THSD7B: variants seen among roughly 807,000 people sequenced by gnomAD.
THSD7B encodes the protein thrombospondin type-1 domain-containing protein 7B.
In THSD7B, 138 loss-of-function variants were observed where a neutral mutation model predicts 213.6. That is an observed-to-expected ratio of 0.65 (90% CI 0.56 to 0.74). The LOEUF (loss-of-function observed/expected upper bound fraction) is 0.74, where lower values mean the gene tolerates loss of function less well. Ranked by LOEUF, THSD7B falls within the 30% of genes least tolerant of loss-of-function variation. The pLI, the probability that THSD7B is intolerant of heterozygous loss-of-function variation, is 0.00. For missense variants in THSD7B, 1,931 were observed against 1,991.5 expected, an observed-to-expected ratio of 0.97 and a Z score of 0.58; for synonymous variants, 742 against 687.0, an observed-to-expected ratio of 1.08 and a Z score of -1.25.
chr2:137,392,245 G>A (rs1260121005), intron 12 of THSD7B, among the ~76,000 whole-genome samples: 1 of 152,192 alleles, frequency 6.6e-6, no homozygotes, highest in Non-Finnish European at 1.5e-5. Flanking sequence ...AGAATGTTCT[G>A]TAAATATCTG....
At chr2:137,529,443 A>G (rs1005835082) in intron 15 of THSD7B, among the ~76,000 whole-genome samples, 21 of 152,108 alleles carry the variant, frequency 1.4e-4, no homozygotes, top group Admixed American at 7.9e-4. Context: ...CCAAAGATAA[A>G]GGCTTTAGTG....
intron 12 of THSD7B, among the ~76,000 whole-genome samples, chr2:137,285,614 G>A (rs1683153711): frequency 6.7e-6 from 1 of 148,678 alleles, no homozygotes; most frequent in African/African-American, 2.5e-5. Flanking sequence ...GATGGAATTA[G>A]AAATCGGAAC....
At chr2:137,341,648 T>G (rs1684763927) in intron 12 of THSD7B, among the ~76,000 whole-genome samples, 1 of 151,726 alleles carries the variant, frequency 6.6e-6, no homozygotes, top group South Asian at 2.1e-4. Flanking sequence ...TTTTTGTATG[T>G]GTTGTGGGAT....
At chr2:137,664,745 C>T (rs535050354) in intron 26 of THSD7B, among the ~76,000 whole-genome samples, 2 of 152,072 alleles carry the variant, frequency 1.3e-5, no homozygotes, top group Non-Finnish European at 2.9e-5. Context: ...TTTACAAACC[C>T]CTGTCCCTGC....
At chr2:137,019,141 C>T (rs1180722850) in intron 2 of THSD7B, among the ~76,000 whole-genome samples, 1 of 152,128 alleles carries the variant, frequency 6.6e-6, no homozygotes, top group Non-Finnish European at 1.5e-5. Flanking sequence ...CCTCTGGGCA[C>T]CTTCATGTGA....
At chr2:137,468,461 T>G (rs1688033032) in intron 15 of THSD7B, among the ~76,000 whole-genome samples, 1 of 151,946 alleles carries the variant, frequency 6.6e-6, no homozygotes. Context: ...GTTTGTCCTC[T>G]AAACTTGAAG....
At chr2:137,217,150 A>G (rs736115) in intron 7 of THSD7B, among the ~76,000 whole-genome samples, 90,777 of 151,984 alleles carry the variant, frequency 0.6, 27,536 homozygotes, top group South Asian at 0.71. Flanking sequence ...ACAGTACTGG[A>G]CAGGTAAACC....
At chr2:137,659,572 A>G in intron 24 of THSD7B, 92 bp from the exon 25 acceptor site, 1 of 1,153,506 alleles carries the variant, frequency 8.7e-7, no homozygotes, top group South Asian at 1.6e-5. Flanking sequence ...ACTGTTGCAA[A>G]GAGGCCGGTG....
At chr2:137,282,955 G>A (rs1382688912) in intron 12 of THSD7B, among the ~76,000 whole-genome samples, 3 of 152,154 alleles carry the variant, frequency 2.0e-5, no homozygotes, top group Non-Finnish European at 4.4e-5. Flanking sequence ...GTCATTGGTA[G>A]CTTGATGGGG....
chr2:137,363,616 G>A (rs139974386), intron 12 of THSD7B, among the ~76,000 whole-genome samples: 17 of 152,220 alleles, frequency 1.1e-4, no homozygotes, highest in African/African-American at 3.6e-4. Flanking sequence ...ACAGCTCTAC[G>A]CAAATAAACT....
chr2:137,074,565 G>A (rs1687576013), intron 3 of THSD7B, among the ~76,000 whole-genome samples: 1 of 152,072 alleles, frequency 6.6e-6, no homozygotes. Flanking sequence ...TCTTTTAATT[G>A]GAGCGTTTAG....
At chr2:136,812,446 G>A (rs998429695) in intron 1 of THSD7B, among the ~76,000 whole-genome samples, 1 of 152,120 alleles carries the variant, frequency 6.6e-6, no homozygotes, top group Non-Finnish European at 1.5e-5. Flanking sequence ...TTATTCTCTA[G>A]CTTACATGAT....
intron 2 of THSD7B, among the ~76,000 whole-genome samples, chr2:136,967,940 A>G (rs192369650): frequency 1.3e-5 from 2 of 152,320 alleles, no homozygotes; most frequent in Admixed American, 6.5e-5. Flanking sequence ...TCCATATAGT[A>G]TCACGTCGCT....
chr2:137,558,594 C>G (rs995252806), intron 15 of THSD7B, among the ~76,000 whole-genome samples: 1 of 152,178 alleles, frequency 6.6e-6, no homozygotes, highest in African/African-American at 2.4e-5. Flanking sequence ...ATGACAAAGT[C>G]ACAGCCAATA....
intron 2 of THSD7B, among the ~76,000 whole-genome samples, chr2:137,055,304 C>A (rs2104875588): frequency 6.6e-6 from 1 of 152,176 alleles, no homozygotes; most frequent in South Asian, 2.1e-4. Flanking sequence ...CCTTTATACC[C>A]AGTAATGAGA....
intron 1 of THSD7B, among the ~76,000 whole-genome samples, chr2:136,787,260 G>T: frequency 6.6e-6 from 1 of 151,848 alleles, no homozygotes; most frequent in East Asian, 1.9e-4. Flanking sequence ...AAAGTTTTCA[G>T]TTGGAATATT....
At chr2:137,353,412 G>A (rs1046454383) in intron 12 of THSD7B, among the ~76,000 whole-genome samples, 6 of 152,028 alleles carry the variant, frequency 3.9e-5, no homozygotes, top group South Asian at 2.1e-4. Flanking sequence ...AGTGGTCTGC[G>A]CATCCTAGCT....
chr2:137,218,904 G>A lies in THSD7B; in HGVS notation c.1724-12140G>A, dbSNP rs889598359. Among the ~76,000 whole-genome samples the A allele has an allele frequency of 5.9e-5, 9 of 152,036 alleles. No homozygotes were observed. In the East Asian group the frequency reaches 1.5e-3, roughly 26 times the overall value. Reference sequence around the variant, plus strand: ...TTGGAGCACAAAACTTCTGATGAGTGAGAAACCTATTCTAAGTATTAGCTT... The same window carrying A: ...TTGGAGCACAAAACTTCTGATGAGTAAGAAACCTATTCTAAGTATTAGCTT... On this transcript the variant is annotated intron_variant, in intron 7 of 27. Transcript: ENST00000409968.
At chr2:136,951,149 C>T (rs561481335) in intron 2 of THSD7B, among the ~76,000 whole-genome samples, 8 of 152,164 alleles carry the variant, frequency 5.3e-5, no homozygotes, top group African/African-American at 1.9e-4. Context: ...TAGCAGGTGC[C>T]ATGGGACCCT....
Sources: allele counts gnomAD v4.1 joint callset (sites outside exome capture counted in the v4.1 genomes callset), GRCh38; gene constraint gnomAD v4.1.1; transcripts MANE v1.5; gene names NCBI Gene and HGNC (gene_info 2026-07-23, HGNC 2026-07-21).